Variants in CPQ observed in about 807,000 individuals in gnomAD.
CPQ encodes carboxypeptidase Q, also known as Ser-Met dipeptidase.
Under a neutral mutation model 45.7 loss-of-function variants are expected in CPQ, and 37 were observed. The ratio of observed to expected loss-of-function variants is 0.81; its 90% CI spans 0.62 to 1.07. CPQ has a LOEUF of 1.07. Among genes scored for constraint, CPQ ranks in the 50% least tolerant of loss-of-function variants. The pLI is 0.00. For missense variants in CPQ, 537 were observed against 572.9 expected (o/e 0.94, Z 0.64); for synonymous variants, 186 against 205.8 (o/e 0.90, Z 0.82).
intron 1 of CPQ, among the ~76,000 whole-genome samples, chr8:96,762,270 T>C (rs1810414913): frequency 6.6e-6 from 1 of 152,158 alleles, no homozygotes; most frequent in African/African-American, 2.4e-5. Context: ...TCCCTGAACA[T>C]TGGAAGTCTA....
chr8:96,687,385 G>A (rs886686717), intron 1 of CPQ, among the ~76,000 whole-genome samples: 3 of 151,778 alleles, frequency 2.0e-5, no homozygotes, highest in Admixed American at 1.3e-4. Context: ...GCTAATTTTT[G>A]TATTTTTAGT....
At chr8:97,043,374 G>A (rs1220113240) in intron 6 of CPQ, among the ~76,000 whole-genome samples, 1 of 151,712 alleles carries the variant, frequency 6.6e-6, no homozygotes. Flanking sequence ...TTGAGCCTAT[G>A]TGTGTCTCTG....
intron 4 of CPQ, among the ~76,000 whole-genome samples, chr8:96,893,439 A>G (rs532017460): frequency 6.5e-4 from 99 of 152,326 alleles, no homozygotes; most frequent in Middle Eastern, 6.8e-3. Context: ...TAGAGCTCAC[A>G]CTGTGCAGCA....
chr8:96,735,280 T>G (rs1055061399), intron 1 of CPQ, among the ~76,000 whole-genome samples: 5 of 152,236 alleles, frequency 3.3e-5, no homozygotes, highest in African/African-American at 1.2e-4. Flanking sequence ...TGGCATATAT[T>G]AAGCCTTCAA....
intron 3 of CPQ, among the ~76,000 whole-genome samples, chr8:96,859,287 G>A (rs1315637155): frequency 2.0e-5 from 3 of 152,176 alleles, no homozygotes; most frequent in African/African-American, 7.2e-5. Context: ...AGAATATCTT[G>A]TCTGCTTTTG....
At chr8:97,050,398 A>T (rs1810340829) in intron 6 of CPQ, among the ~76,000 whole-genome samples, 1 of 152,208 alleles carries the variant, frequency 6.6e-6, no homozygotes, top group South Asian at 2.1e-4. Flanking sequence ...TACAATGAAT[A>T]TGTTTGTTTA....
chr8:96,718,211 T>G (rs1450859107), intron 1 of CPQ, among the ~76,000 whole-genome samples: 1 of 152,216 alleles, frequency 6.6e-6, no homozygotes, highest in African/African-American at 2.4e-5. Flanking sequence ...GAATCTTAAC[T>G]GGGGGCTTCT....
At chr8:96,722,231 G>T (rs1050875884) in intron 1 of CPQ, among the ~76,000 whole-genome samples, 2 of 151,890 alleles carry the variant, frequency 1.3e-5, no homozygotes, top group African/African-American at 2.4e-5. Flanking sequence ...TCATATGATT[G>T]CTCTTTAAAT....
chr8:97,094,575 T>C (rs1200782645), intron 7 of CPQ, among the ~76,000 whole-genome samples: 1 of 152,114 alleles, frequency 6.6e-6, no homozygotes, highest in Non-Finnish European at 1.5e-5. Context: ...TTTTCATTCT[T>C]TATTTTCTGT....
rs118144875 is a variant in CPQ at position 96,706,486 on chromosome 8, T to C, written c.-35+61084T>C. On this transcript the variant is annotated intron_variant, in intron 1 of 7. Transcript: ENST00000220763. The stretch of plus-strand genomic sequence containing the variant: ...GTTAAGGGTATTAAGGGTGGGGAGA[T>C]ACTGCTAAGTTGGAGAAAAACTTTC... 4.1e-3 allele frequency among the ~76,000 whole-genome samples: 620 copies of C among 152,268 alleles called. 12 individuals are homozygous for C. The highest frequency in any genetic ancestry group is 0.028 in the Admixed American group (433 of 15,268).
intron 7 of CPQ, among the ~76,000 whole-genome samples, chr8:97,086,064 A>T (rs1455859038): frequency 2.6e-5 from 4 of 152,192 alleles, no homozygotes; most frequent in African/African-American, 9.6e-5. Flanking sequence ...CTTCTCCAGC[A>T]TTAAATTTTT....
intron 1 of CPQ, among the ~76,000 whole-genome samples, chr8:96,646,249 T>C (rs372910507): frequency 6.6e-6 from 1 of 152,072 alleles, no homozygotes; most frequent in Non-Finnish European, 1.5e-5. Flanking sequence ...ATTTCCATTT[T>C]TGTTGGACTT....
At chr8:96,955,855 C>T (rs1020510937) in intron 4 of CPQ, among the ~76,000 whole-genome samples, 3 of 152,140 alleles carry the variant, frequency 2.0e-5, no homozygotes, top group Non-Finnish European at 4.4e-5. Flanking sequence ...CTTCCTTACA[C>T]CTTATACAAA....
At chr8:96,929,503 T>C (rs61601235) in intron 4 of CPQ, among the ~76,000 whole-genome samples, 15,525 of 152,132 alleles carry the variant, frequency 0.1, 1,618 homozygotes, top group African/African-American at 0.27. Flanking sequence ...TCCAATGCTG[T>C]GTGTTAGAGT....
chr8:96,884,925 C>G (rs1812280541), intron 4 of CPQ, among the ~76,000 whole-genome samples: 1 of 152,144 alleles, frequency 6.6e-6, no homozygotes, highest in African/African-American at 2.4e-5. Context: ...GAAATTATCT[C>G]TATAAAAGGA....
In CPQ at chr8:96,854,556, A is replaced by AC. The variant is rs1470564309; in HGVS notation, c.641+19376_641+19377insC. ...AAAAAAAAAAAAAAAAAAAAAAAAA[A>AC]AAATGTGGTGGAACTAAAAGCCCAG... On this transcript the variant is annotated intron_variant, in intron 3 of 7. Transcript: ENST00000220763. 2.8e-3 allele frequency among the ~76,000 whole-genome samples: 374 copies of AC among 134,424 alleles called. 63 individuals carry two copies. Among genetic ancestry groups the AC allele is most frequent in the Non-Finnish European group, 4.9e-3 (304 of 62,352 alleles). The allele number at this position is 134,424 out of a possible 152,430, so 88.2% of individuals were successfully genotyped here.
chr8:96,841,907 A>C (rs1811617555), intron 3 of CPQ, among the ~76,000 whole-genome samples: 1 of 152,230 alleles, frequency 6.6e-6, no homozygotes, highest in Non-Finnish European at 1.5e-5. Context: ...ATGATACTTA[A>C]TTAATACAGA....
At chr8:96,718,533 TC>T (rs1809715896) in intron 1 of CPQ, among the ~76,000 whole-genome samples, 1 of 152,106 alleles carries the variant, frequency 6.6e-6, no homozygotes, top group Non-Finnish European at 1.5e-5. Flanking sequence ...GTGTTACAGC[TC>T]ATAAAAGCAG....
At chr8:96,831,764 C>G (rs1811463321) in intron 2 of CPQ, among the ~76,000 whole-genome samples, 1 of 152,090 alleles carries the variant, frequency 6.6e-6, no homozygotes, top group Non-Finnish European at 1.5e-5. Context: ...ATTGGACTTT[C>G]ATGAAACAAG....
Sources: gnomAD v4.1 joint callset for allele counts (sites outside exome capture counted in the v4.1 genomes callset) on GRCh38, gnomAD v4.1.1 for gene constraint, MANE v1.5 for transcripts, NCBI Gene and HGNC (gene_info 2026-07-23, HGNC 2026-07-21) for gene names.